IFT80: variants seen among roughly 807,000 people sequenced by gnomAD.
IFT80 encodes intraflagellar transport 80, also known as intraflagellar transport protein 80 homolog.
Under a neutral mutation model 107.9 loss-of-function variants are expected in IFT80, and 79 were observed. The ratio of observed to expected loss-of-function variants is 0.73; its 90% CI spans 0.61 to 0.88. IFT80 has a LOEUF of 0.88. Ranked by LOEUF, IFT80 falls within the 40% of genes least tolerant of loss-of-function variation. The pLI, the probability that IFT80 is intolerant of heterozygous loss-of-function variation, is 0.00. For synonymous variants in IFT80, 299 were observed against 300.9 expected (o/e 0.99, Z 0.07); for missense variants, 797 against 914.2 (o/e 0.87, Z 1.65).
intron 15 of IFT80, 136 bp downstream of exon 15, chr3:160,280,531 A>C: frequency 1.4e-6 from 1 of 709,662 alleles, no homozygotes. Flanking sequence ...AGCTAGCTTT[A>C]GCCGAACAAT....
chr3:160,293,152 C>T (rs566638865), intron 12 of IFT80, among the ~76,000 whole-genome samples: 18 of 152,192 alleles, frequency 1.2e-4, no homozygotes, highest in Admixed American at 9.8e-4. Flanking sequence ...AGGCTCAGAG[C>T]AAAAGAATGA....
At chr3:160,358,636 G>A (rs1721276442) in intron 6 of IFT80, among the ~76,000 whole-genome samples, 1 of 152,158 alleles carries the variant, frequency 6.6e-6, no homozygotes, top group Admixed American at 6.5e-5. Context: ...TTACAGGCAT[G>A]AGCCACCGTG....
At chr3:160,323,811 A>C (rs1412767315) in intron 8 of IFT80, among the ~76,000 whole-genome samples, 1 of 152,182 alleles carries the variant, frequency 6.6e-6, no homozygotes, top group African/African-American at 2.4e-5. Context: ...GACCAAAAAA[A>C]ACCCTTCAAA....
rs372415281 is a variant in IFT80, at chr3:160,357,611, A to C, written c.550-33T>G. 71 of 1,410,180 alleles carry C rather than the reference A, an allele frequency of 5.0e-5. 1 individual carries two copies. The Middle Eastern group carries it at 7.2e-4, about 14-fold the overall frequency. The allele number at this position is 1,410,180 out of a possible 1,614,324, so 87.4% of individuals were successfully genotyped here. ...AAAAAAGAATAAGATATTAATTATA[A>C]GTTTAAAAGCACTTAAGTTTTTTTC... On this transcript the variant is annotated intron_variant, in intron 6 of 19. Transcript: ENST00000326448.
At chr3:160,371,592 A>C (rs898993879) in intron 5 of IFT80, among the ~76,000 whole-genome samples, 2 of 152,068 alleles carry the variant, frequency 1.3e-5, no homozygotes, top group Admixed American at 6.6e-5. Flanking sequence ...ACAGGGATGC[A>C]CCACTATGCC....
chr3:160,355,978 C>T (rs189144198), intron 8 of IFT80, 35 bp downstream of exon 8: 1 of 1,611,672 alleles, frequency 6.2e-7, no homozygotes, highest in Admixed American at 1.7e-5. Context: ...ACATTTATGA[C>T]AGCACATCTG....
At chr3:160,369,189 A>C (rs1216430807) in intron 5 of IFT80, among the ~76,000 whole-genome samples, 2 of 152,024 alleles carry the variant, frequency 1.3e-5, no homozygotes, top group Non-Finnish European at 2.9e-5. Context: ...TATAACTTAT[A>C]TAATAAAAGA....
chr3:160,361,944 C>T (rs535708660), intron 6 of IFT80, among the ~76,000 whole-genome samples: 2 of 152,080 alleles, frequency 1.3e-5, no homozygotes, highest in African/African-American at 4.8e-5. Context: ...AAAATTGACA[C>T]CCTAACATCA....
chr3:160,259,436 G>A (rs941525810), intron 19 of IFT80, among the ~76,000 whole-genome samples: 1 of 152,128 alleles, frequency 6.6e-6, no homozygotes, highest in Non-Finnish European at 1.5e-5. Flanking sequence ...TAGTTATGAG[G>A]AAAGACAGGG....
intron 1 of IFT80, among the ~76,000 whole-genome samples, chr3:160,387,271 C>T (rs62272201): frequency 1.3e-5 from 2 of 152,064 alleles, no homozygotes; most frequent in Non-Finnish European, 1.5e-5. Flanking sequence ...TTTGGGAGGC[C>T]GAGGCAGGCG....
At position 160,301,054 on chromosome 3, in the gene IFT80, A is replaced by C. The variant is rs1716385595; in HGVS notation, c.1152-8T>G. On this transcript the variant is annotated splice_polypyrimidine_tract_variant and splice_region_variant and intron_variant, in intron 11 of 19. Coordinates refer to ENST00000326448, the MANE Select transcript of IFT80 (RefSeq NM_020800.3). The stretch of plus-strand genomic sequence containing the variant: ...TCTACAAGAAGAAAATGTCTAAAAA[A>C]TAAAGAATAGAAATAGATTCTCAAA... 6.4e-7 allele frequency: 1 copy of C among 1,563,536 alleles called. No individual in the cohort carries two copies. Among genetic ancestry groups the C allele is most frequent in the African/African-American group, 1.4e-5 (1 of 73,400 alleles).
At chr3:160,345,438 G>A (rs1171507134) in intron 8 of IFT80, among the ~76,000 whole-genome samples, 3 of 152,090 alleles carry the variant, frequency 2.0e-5, no homozygotes, top group African/African-American at 7.2e-5. Flanking sequence ...TGTAATCCCA[G>A]CACTTTGGGA....
At chr3:160,325,486 C>T (rs551804435) in intron 8 of IFT80, among the ~76,000 whole-genome samples, 6 of 152,104 alleles carry the variant, frequency 3.9e-5, no homozygotes, top group Non-Finnish European at 7.4e-5. Context: ...TATCATCATC[C>T]TATATTCAAC....
chr3:160,282,780 C>T (rs914230655), intron 13 of IFT80, among the ~76,000 whole-genome samples, 167 bp from the exon 14 acceptor site: 1 of 152,108 alleles, frequency 6.6e-6, no homozygotes, highest in Non-Finnish European at 1.5e-5. Context: ...ATATGTTAAT[C>T]GTTCAAAAGC....
chr3:160,293,235 T>C (rs1576763701), intron 12 of IFT80, among the ~76,000 whole-genome samples: 2 of 152,350 alleles, frequency 1.3e-5, no homozygotes, highest in South Asian at 4.1e-4. Flanking sequence ...CTCTCCTGCC[T>C]GGAACTTGAC....
intron 9 of IFT80, among the ~76,000 whole-genome samples, chr3:160,314,388 T>C (rs1045737529): frequency 6.6e-6 from 1 of 152,142 alleles, no homozygotes; most frequent in African/African-American, 2.4e-5. Flanking sequence ...GGATCTCTTT[T>C]GGAAAGAATT....
intron 13 of IFT80, among the ~76,000 whole-genome samples, chr3:160,285,311 A>G (rs1297276922): frequency 3.3e-5 from 5 of 152,200 alleles, no homozygotes; most frequent in Admixed American, 6.5e-5. Context: ...GGATAACTCA[A>G]TGCAATGTGC....
At chr3:160,299,127 C>T in intron 12 of IFT80, 5 of 986,050 alleles carry the variant, frequency 5.1e-6, no homozygotes, top group Non-Finnish European at 6.0e-6. Flanking sequence ...AATCTGGCTT[C>T]CAAATTACTA....
At chr3:160,337,384 G>T (rs1002436260) in intron 8 of IFT80, among the ~76,000 whole-genome samples, 1 of 152,174 alleles carries the variant, frequency 6.6e-6, no homozygotes, top group African/African-American at 2.4e-5. Flanking sequence ...CCAGCACTGT[G>T]GGAGGCTGAG....
Sources: allele counts gnomAD v4.1 joint callset (sites outside exome capture counted in the v4.1 genomes callset), GRCh38; gene constraint gnomAD v4.1.1; transcripts MANE v1.5; gene names NCBI Gene and HGNC (gene_info 2026-07-23, HGNC 2026-07-21).